The following AK5 variants were observed in gnomAD, a reference collection of about 807,000 sequenced individuals.
AK5 encodes adenylate kinase isoenzyme 5.
Under a neutral mutation model 69.5 loss-of-function variants are expected in AK5, and 27 were observed. The observed-to-expected ratio is 0.39, with a 90% CI of 0.29 to 0.54. The LOEUF (loss-of-function observed/expected upper bound fraction) is 0.54. Ranked by LOEUF, AK5 falls within the 20% of genes least tolerant of loss-of-function variation. The probability of loss-of-function intolerance (pLI) is 0.71; values close to 1 mark genes in which losing one functional copy is unlikely to be tolerated. For missense variants in AK5, 531 were observed against 700.4 expected, an observed-to-expected ratio of 0.76 and a Z score of 2.73; for synonymous variants, 260 against 244.4, an observed-to-expected ratio of 1.06 and a Z score of -0.60.
At chr1:77,391,432 C>CATAT (rs1182177628) in intron 6 of AK5, among the ~76,000 whole-genome samples, 1 of 95,592 alleles carries the variant, frequency 1.0e-5, no homozygotes, top group Admixed American at 1.2e-4. Flanking sequence ...TATATATATA[C>CATAT]ATATATACAT....
chr1:77,300,489 G>A (rs1659271377), intron 5 of AK5, among the ~76,000 whole-genome samples: 1 of 152,300 alleles, frequency 6.6e-6, no homozygotes, highest in Non-Finnish European at 1.5e-5. Context: ...AAGCTGAAAT[G>A]TTTATGTAAA....
intron 12 of AK5, among the ~76,000 whole-genome samples, chr1:77,526,921 T>C (rs535032664): frequency 1.8e-4 from 27 of 152,142 alleles, no homozygotes; most frequent in Non-Finnish European, 2.9e-4. Flanking sequence ...ATAATCCTTA[T>C]TCTTCTTTGG....
chr1:77,521,429 C>T (rs777122790), intron 11 of AK5, among the ~76,000 whole-genome samples: 6 of 152,290 alleles, frequency 3.9e-5, no homozygotes, highest in Non-Finnish European at 8.8e-5. Context: ...CCACCGCACC[C>T]GGCCAGTAAA....
chr1:77,282,392 G>T lies in AK5; in HGVS notation c.60+19G>T. The T allele has an allele frequency of 6.5e-7, 1 of 1,538,796 alleles. No homozygotes were observed. Among genetic ancestry groups the T allele is most frequent in the Non-Finnish European group, 8.8e-7 (1 of 1,141,228 alleles). On this transcript the variant is annotated intron_variant, in intron 1 of 13. Coordinates refer to ENST00000354567, the MANE Select transcript of AK5 (RefSeq NM_174858.3). The stretch of plus-strand genomic sequence containing the variant: ...TTTTGAGGTAGGGCTAGAGCTGGCC[G>T]ACGGGCGGTAGCATCCGGGGACTGC...
At chr1:77,321,569 T>TA (rs1660536862) in intron 5 of AK5, among the ~76,000 whole-genome samples, 1 of 152,272 alleles carries the variant, frequency 6.6e-6, no homozygotes, top group Admixed American at 6.5e-5. Flanking sequence ...ATAAGTTCAT[T>TA]AAAAAACCAG....
intron 6 of AK5, among the ~76,000 whole-genome samples, chr1:77,341,386 G>A (rs1469920346): frequency 6.6e-6 from 1 of 152,232 alleles, no homozygotes; most frequent in African/African-American, 2.4e-5. Flanking sequence ...GCTAGATGGT[G>A]GCAGACCTTG....
At chr1:77,298,375 G>C (rs1659130988) in intron 5 of AK5, among the ~76,000 whole-genome samples, 1 of 151,908 alleles carries the variant, frequency 6.6e-6, no homozygotes, top group Non-Finnish European at 1.5e-5. Flanking sequence ...TTAAGATAGG[G>C]TTCAGTTGCC....
intron 5 of AK5, chr1:77,314,071 T>C: frequency 2.8e-6 from 1 of 362,188 alleles, no homozygotes; most frequent in South Asian, 2.1e-5. Flanking sequence ...GAATTTGCTA[T>C]GTGCCATTGT....
In AK5 at chr1:77,324,150, A is replaced by G. The variant is rs190244380; in HGVS notation, c.700-16227A>G. On this transcript the variant is annotated intron_variant, in intron 5 of 13. Coordinates refer to ENST00000354567, the MANE Select transcript of AK5 (RefSeq NM_174858.3). Reference sequence around the variant, plus strand: ...CAATCTACCCATTTACTAATGAGAAAGTAGGGTGAAGATTAGCCTGCTGAA... The same window carrying G: ...CAATCTACCCATTTACTAATGAGAAGGTAGGGTGAAGATTAGCCTGCTGAA... 2.0e-4 allele frequency among the ~76,000 whole-genome samples: 31 copies of G among 152,332 alleles called. 2 individuals carry two copies. The East Asian group carries it at 3.9e-3, about 19-fold the overall frequency.
intron 10 of AK5, among the ~76,000 whole-genome samples, chr1:77,507,853 T>C (rs1041490473): frequency 2.0e-5 from 3 of 152,184 alleles, no homozygotes; most frequent in African/African-American, 7.2e-5. Flanking sequence ...ACCTGGGGAA[T>C]TATCCTTTTT....
At position 77,367,798 on chromosome 1, in the gene AK5, A is replaced by ATATATAT. The variant is rs1266553753; in HGVS notation, c.891+27236_891+27237insTTATATA. Among the ~76,000 whole-genome samples the ATATATAT allele has an allele frequency of 1.5e-3, 47 of 31,224 alleles. 5 individuals carry two copies. Among genetic ancestry groups the ATATATAT allele is most frequent in the African/African-American group, 4.9e-3 (44 of 8,976 alleles). The allele number at this position is 31,224 out of a possible 152,430, so 20.5% of individuals were successfully genotyped here. A position where few individuals can be genotyped will look rare whatever the true frequency, so the allele number is the denominator to read the frequency against. ...ATATATAATATATGTTATATATGTT[A>ATATATAT]TATATAATATATGTTATATATATTA... is the stretch of plus-strand genomic sequence containing the variant. On this transcript the variant is annotated intron_variant, in intron 6 of 13. Coordinates refer to ENST00000354567, the MANE Select transcript of AK5 (RefSeq NM_174858.3).
chr1:77,298,010 C>A, intron 5 of AK5, 63 bp downstream of exon 5: 1 of 1,201,152 alleles, frequency 8.3e-7, no homozygotes, highest in Admixed American at 2.2e-5. Flanking sequence ...GGAATAAAAA[C>A]AAAAAGACTT....
intron 5 of AK5, among the ~76,000 whole-genome samples, chr1:77,323,140 C>T (rs1003504191): frequency 1.3e-5 from 2 of 152,076 alleles, no homozygotes; most frequent in African/African-American, 4.8e-5. Context: ...AGGCATGCAC[C>T]ACCACGCCCG....
intron 12 of AK5, among the ~76,000 whole-genome samples, chr1:77,528,683 T>C (rs1658416330): frequency 6.6e-6 from 1 of 152,236 alleles, no homozygotes; most frequent in Admixed American, 6.5e-5. Flanking sequence ...GCTGTGTATA[T>C]GTACATGTAT....
intron 9 of AK5, among the ~76,000 whole-genome samples, chr1:77,484,289 A>G (rs538877162): frequency 2.0e-4 from 31 of 152,348 alleles, no homozygotes; most frequent in African/African-American, 7.0e-4. Context: ...AATTGTCCTA[A>G]GTAAAAATAC....
At chr1:77,300,939 T>TTTTG (rs1025325829) in intron 5 of AK5, among the ~76,000 whole-genome samples, 3 of 152,154 alleles carry the variant, frequency 2.0e-5, no homozygotes, top group Non-Finnish European at 2.9e-5. Flanking sequence ...TTAACTTAGT[T>TTTTG]TTTGTTTGTT....
intron 9 of AK5, among the ~76,000 whole-genome samples, chr1:77,485,156 C>T (rs1360686900): frequency 6.6e-6 from 1 of 152,178 alleles, no homozygotes; most frequent in Non-Finnish European, 1.5e-5. Flanking sequence ...TAAGGTGTTT[C>T]CTGTCACCAT....
At chr1:77,503,650 C>T (rs1374112933) in intron 10 of AK5, among the ~76,000 whole-genome samples, 1 of 151,962 alleles carries the variant, frequency 6.6e-6, no homozygotes, top group Non-Finnish European at 1.5e-5. Context: ...ACCTATAATC[C>T]CAGCACTTTG....
At chr1:77,547,610 G>T (rs1659610175) in intron 13 of AK5, among the ~76,000 whole-genome samples, 1 of 151,812 alleles carries the variant, frequency 6.6e-6, no homozygotes, top group South Asian at 2.1e-4. Flanking sequence ...TTTTTTTTAT[G>T]AACTATGTAT....
Sources: gnomAD v4.1 joint callset for allele counts (sites outside exome capture counted in the v4.1 genomes callset) on GRCh38, gnomAD v4.1.1 for gene constraint, MANE v1.5 for transcripts, NCBI Gene and HGNC (gene_info 2026-07-23, HGNC 2026-07-21) for gene names.